The following ZNF524 variants were observed in gnomAD, a reference collection of about 807,000 sequenced individuals.
ZNF524 encodes the protein zinc finger protein 524.
For synonymous variants in ZNF524, 194 were observed against 166.3 expected, an observed-to-expected ratio of 1.17 and a Z score of -1.28; for missense variants, 388 against 380.1, an observed-to-expected ratio of 1.02 and a Z score of -0.17.
intron 1 of ZNF524, chr19:55,601,132 C>T (rs1266423594): frequency 6.6e-6 from 1 of 152,228 alleles, no homozygotes; most frequent in Non-Finnish European, 1.5e-5. Context: ...GGACTGAGCC[C>T]TCGTAATGTC....
rs771093798 is a variant in ZNF524 at position 55,602,234 on chromosome 19, C to A, written c.122C>A (p.Ser41Tyr). ...GGCCGTCGTCCTGGGGGAGCCACCTCCTCAAATCGGACACTCAAGGCCTCC... is the reference window on the plus strand; with the variant it reads ...GGCCGTCGTCCTGGGGGAGCCACCTACTCAAATCGGACACTCAAGGCCTCC... ...RRGRRPGGAT[S>Y]SNRTLKASLP... Residue 41 changes from serine (S) to tyrosine (Y), a missense_variant, in exon 2 of 2, where the codon TCC becomes TAC. By Grantham distance (144) the Ser-to-Tyr change is moderately radical. Transcript: ENST00000301073. The A allele has an allele frequency of 6.2e-7, 1 of 1,612,260 alleles. No homozygotes were observed. Among genetic ancestry groups the A allele is most frequent in the South Asian group, 1.1e-5 (1 of 90,882 alleles).
Position 55,602,871 on chromosome 19 carries a change from G to A in ZNF524, c.759G>A (p.Glu253=), listed in dbSNP as rs310459. ...TCCCGGCCACAGCAGGGGCCGAGGA[G>A]GAGGAGGAGACAGAGGGGAAAGGGG... ...EGIPATAGAE[E]EEETEGKGEP... The change falls in exon 2 of 2, where the codon GAG becomes GAA. Residue 253 remains glutamate, a synonymous_variant. Transcript: ENST00000301073. 1,461,596 of 1,597,768 alleles carry A rather than the reference G, an allele frequency of 0.91. 671,070 individuals are homozygous for A. The highest frequency in any genetic ancestry group is 0.93 in the Non-Finnish European group (1,097,144 of 1,173,520).
chr19:55,602,055 C>G lies in ZNF524; in HGVS notation c.-38-20C>G, dbSNP rs968105835. On this transcript the variant is annotated intron_variant, in intron 1 of 1. Transcript: ENST00000301073. The stretch of plus-strand genomic sequence containing the variant: ...GCTCTAGACCCTGTGAGCACTGACT[C>G]TGCCCCTCTCTCCTCTTAGCTGGCT... The G allele has an allele frequency of 2.0e-6, 3 of 1,481,266 alleles. No individual in the cohort carries two copies. In the African/African-American group the frequency reaches 4.2e-5, roughly 21 times the overall value. 91.8% of individuals were successfully genotyped at this position (1,481,266 alleles called of 1,614,324 possible). A position where few individuals can be genotyped will look rare whatever the true frequency, so the allele number is the denominator to read the frequency against.
In ZNF524 at chr19:55,602,144, C is replaced by A; in HGVS notation, c.32C>A (p.Ser11Ter). 2 of 1,560,296 alleles carry A rather than the reference C, an allele frequency of 1.3e-6. No individual in the cohort carries two copies. Among genetic ancestry groups the A allele is most frequent in the African/African-American group, 2.7e-5 (2 of 73,432 alleles). ...ACCCCCAGCCCAGACCCGTTGCCTT[C>A]GCCTTTGCCCGGGGAGGAAGAGAAA... MDTPSPDPLP[S>*]PLPGEEEKPL... Residue 11 changes from serine (S) to a stop codon, truncating the protein, a stop_gained, in exon 2 of 2, where the codon TCG becomes TAG. Coordinates refer to ENST00000301073, the MANE Select transcript of ZNF524 (RefSeq NM_153219.4). LOFTEE classifies it low-confidence loss of function (END_TRUNC).
Position 55,602,664 on chromosome 19 carries a change from G to C in ZNF524, c.552G>C (p.Glu184Asp). The C allele has an allele frequency of 1.3e-6, 2 of 1,595,488 alleles. No individual in the cohort carries two copies. Among genetic ancestry groups the C allele is most frequent in the South Asian group, 1.1e-5 (1 of 90,412 alleles). Reference protein sequence around the residue: ...LCPRRFREAGELAHHHRVHSG... With the variant: ...LCPRRFREAGDLAHHHRVHSG... Reference sequence around the variant, plus strand: ...CCCGCCGCTTCCGCGAGGCGGGCGAGCTGGCGCACCACCACCGCGTGCACT... The same window carrying C: ...CCCGCCGCTTCCGCGAGGCGGGCGACCTGGCGCACCACCACCGCGTGCACT... The change falls in exon 2 of 2, where the codon GAG (glutamate) becomes GAC (aspartate). Residue 184 changes from glutamate to aspartate, a missense_variant. Physicochemically the swap from Glu to Asp is conservative, Grantham distance 45 (BLOSUM62 2). Coordinates refer to ENST00000301073, the MANE Select transcript of ZNF524 (RefSeq NM_153219.4).
In ZNF524 at chr19:55,602,927, C is replaced by T. The variant is rs2123574504; in HGVS notation, c.*20C>T. 6.6e-7 allele frequency: 1 copy of T among 1,526,378 alleles called. No homozygotes were observed. Among genetic ancestry groups the T allele is most frequent in the East Asian group, 2.4e-5 (1 of 41,826 alleles). 94.6% of individuals were successfully genotyped at this position (1,526,378 alleles called of 1,614,324 possible). A position where few individuals can be genotyped will look rare whatever the true frequency, so the allele number is the denominator to read the frequency against. On this transcript the variant is annotated 3_prime_UTR_variant, in exon 2 of 2. Transcript: ENST00000301073. ...GCCTGACCCACACCCCCGGCCATCGCTCCCTGGGCCAGGTTTAGAGCAGGG... is the reference window on the plus strand; with the variant it reads ...GCCTGACCCACACCCCCGGCCATCGTTCCCTGGGCCAGGTTTAGAGCAGGG...
At position 55,602,411 on chromosome 19, in the gene ZNF524, C is replaced by G. The variant is rs773538798; in HGVS notation, c.299C>G (p.Ser100Ter). 1 of 1,587,604 alleles carries G rather than the reference C, an allele frequency of 6.3e-7. No individual in the cohort carries two copies. The highest frequency in any genetic ancestry group is 8.6e-7 in the Non-Finnish European group (1 of 1,169,090). The change falls in exon 2 of 2, where the codon TCA (serine) becomes TGA (stop). Residue 100 changes from serine (S) to a stop codon, truncating the protein, a stop_gained. Coordinates refer to ENST00000301073, the MANE Select transcript of ZNF524 (RefSeq NM_153219.4). LOFTEE classifies it low-confidence loss of function (END_TRUNC). Reference sequence around the variant, plus strand: ...GTGCCCTATACGGTCTCTGAAGGTTCAGCGGCTGGGCCTGAGGGCTCTGGC... The same window carrying G: ...GTGCCCTATACGGTCTCTGAAGGTTGAGCGGCTGGGCCTGAGGGCTCTGGC... The part of the protein sequence containing the change: ...QGVPYTVSEG[S>*]AAGPEGSGPR...
In ZNF524 at chr19:55,602,242, C is replaced by T. The variant is rs745961341; in HGVS notation, c.130C>T (p.Arg44Trp). The change falls in exon 2 of 2, where the codon CGG becomes TGG. Residue 44 changes from arginine (R) to tryptophan (W), a missense_variant. By Grantham distance (101) the Arg-to-Trp change is moderately radical. Transcript: ENST00000301073. ...TCCTGGGGGAGCCACCTCCTCAAAT[C>T]GGACACTCAAGGCCTCCCTCCCTCG... ...RRPGGATSSN[R>W]TLKASLPRKR... The T allele has an allele frequency of 6.2e-7, 1 of 1,611,474 alleles. No homozygotes were observed. The highest frequency in any genetic ancestry group is 1.3e-5 in the African/African-American group (1 of 74,902).
In ZNF524 at chr19:55,602,288, AG is replaced by A. The variant is rs1277822247; in HGVS notation, c.177del (p.Lys59AsnfsTer14). ...CCTCGCAAGCGGGGCCGCCCCCCCAAGTCAGGGCAGGAGCCCCCACTGGTGC... is the reference window on the plus strand; with the variant it reads ...CCTCGCAAGCGGGGCCGCCCCCCCAATCAGGGCAGGAGCCCCCACTGGTGC... ...SLPRKRGRPP[K>X]SGQEPPLVQV... On this transcript the variant is annotated frameshift_variant, in exon 2 of 2. Coordinates refer to ENST00000301073, the MANE Select transcript of ZNF524 (RefSeq NM_153219.4). LOFTEE classifies it low-confidence loss of function (END_TRUNC). The A allele has an allele frequency of 6.3e-7, 1 of 1,586,992 alleles. No homozygotes were observed. The highest frequency in any genetic ancestry group is 1.3e-5 in the African/African-American group (1 of 74,226).
rs778949477 is a variant in ZNF524, at chr19:55,602,630, C to A, written c.518C>A (p.Pro173Gln). The A allele has an allele frequency of 6.3e-7, 1 of 1,581,088 alleles. No homozygotes were observed. Among genetic ancestry groups the A allele is most frequent in the South Asian group, 1.1e-5 (1 of 88,950 alleles). Residue 173 changes from proline to glutamine, a missense_variant, in exon 2 of 2, where the codon CCG (proline) becomes CAG (glutamine). Physicochemically the swap from Pro to Gln is moderately conservative, Grantham distance 76 (BLOSUM62 -1). Transcript: ENST00000301073. ...IHAGLRPFRCPLCPRRFREAG... is the reference protein window; with the variant it reads ...IHAGLRPFRCQLCPRRFREAG... The stretch of plus-strand genomic sequence containing the variant: ...GCCGGCCTGCGGCCCTTCCGCTGCC[C>A]GCTGTGCCCCCGCCGCTTCCGCGAG...
intron 1 of ZNF524, chr19:55,601,134 C>T (rs772886223): frequency 6.6e-6 from 1 of 152,232 alleles, no homozygotes; most frequent in African/African-American, 2.4e-5. Flanking sequence ...ACTGAGCCCT[C>T]GTAATGTCCC....
chr19:55,601,250 C>A (rs1456695443), intron 1 of ZNF524: 1 of 152,236 alleles, frequency 6.6e-6, no homozygotes, highest in African/African-American at 2.4e-5. Context: ...ACTTAGGCAA[C>A]TGACTTGGCT....
Position 55,603,015 on chromosome 19 carries a change from C to A in ZNF524, c.*108C>A, listed in dbSNP as rs1980783496. 2.2e-6 allele frequency: 3 copies of A among 1,343,726 alleles called. No individual in the cohort carries two copies. The highest frequency in any genetic ancestry group is 2.5e-5 in the East Asian group (1 of 39,280). 83.2% of individuals were successfully genotyped at this position (1,343,726 alleles called of 1,614,324 possible). Reference sequence around the variant, plus strand: ...ACACCCTTGTTTCCGGTGGTCTTCCCGTTGTGGGAGCAGGTGGAGGGTGGA... The same window carrying A: ...ACACCCTTGTTTCCGGTGGTCTTCCAGTTGTGGGAGCAGGTGGAGGGTGGA... On this transcript the variant is annotated 3_prime_UTR_variant, in exon 2 of 2. Transcript: ENST00000301073.
Position 55,602,295 on chromosome 19 carries a change from G to A in ZNF524, c.183G>A (p.Gly61=), listed in dbSNP as rs540425746. 6.3e-7 allele frequency: 1 copy of A among 1,584,482 alleles called. No homozygotes were observed. The highest frequency in any genetic ancestry group is 2.3e-5 in the East Asian group (1 of 43,212). Residue 61 remains glycine (G), a synonymous_variant, in exon 2 of 2, where the codon GGG becomes GGA. Coordinates refer to ENST00000301073, the MANE Select transcript of ZNF524 (RefSeq NM_153219.4). ...AGCGGGGCCGCCCCCCCAAGTCAGG[G>A]CAGGAGCCCCCACTGGTGCAGGTGC... is the stretch of plus-strand genomic sequence containing the variant. ...PRKRGRPPKS[G]QEPPLVQVQG...
At chr19:55,599,689 G>A (rs1442069308), upstream of ZNF524, 8 of 152,442 alleles carry the variant, frequency 5.2e-5, no homozygotes, top group Admixed American at 4.6e-4. Flanking sequence ...TCTTGGGTGA[G>A]GGCAGCGGGA....
In ZNF524 at chr19:55,602,303, C is replaced by T; in HGVS notation, c.191C>T (p.Pro64Leu). The change falls in exon 2 of 2, where the codon CCC becomes CTC. Residue 64 changes from proline (P) to leucine (L), a missense_variant. Pro to Leu is a moderately conservative substitution (Grantham distance 98). Transcript: ENST00000301073. ...RGRPPKSGQE[P>L]PLVQVQGVTA... ...CGCCCCCCCAAGTCAGGGCAGGAGC[C>T]CCCACTGGTGCAGGTGCAGGGGGTG... The T allele has an allele frequency of 2.5e-6, 4 of 1,581,868 alleles. No individual in the cohort carries two copies. The highest frequency in any genetic ancestry group is 2.6e-6 in the Non-Finnish European group (3 of 1,164,300).
chr19:55,602,396 CG>C lies in ZNF524; in HGVS notation c.286del (p.Val96SerfsTer44). 1 of 1,579,292 alleles carries C rather than the reference CG, an allele frequency of 6.3e-7. No homozygotes were observed. The highest frequency in any genetic ancestry group is 8.6e-7 in the Non-Finnish European group (1 of 1,164,098). ...LLIDDQGVPY[T>X]VSEGSAAGPE... ...ATCGATGATCAGGGTGTGCCCTATA[CG>C]GTCTCTGAAGGTTCAGCGGCTGGGC... is the stretch of plus-strand genomic sequence containing the variant. On this transcript the variant is annotated frameshift_variant, in exon 2 of 2. Transcript: ENST00000301073. LOFTEE classifies it low-confidence loss of function (END_TRUNC).
rs1980764083 is a variant in ZNF524, at chr19:55,602,785, A to G, written c.673A>G (p.Met225Val). 10 of 1,611,122 alleles carry G rather than the reference A, an allele frequency of 6.2e-6. No homozygotes were observed. Among genetic ancestry groups the G allele is most frequent in the Middle Eastern group, 1.7e-4 (1 of 6,058 alleles). The stretch of plus-strand genomic sequence containing the variant: ...TGCGAAGCGCAAGCACCCGGAGGCC[A>G]TGGGGGTACCCCTGTGTGCACCAGA... ...RHAKRKHPEA[M>V]GVPLCAPDPG... Residue 225 changes from methionine to valine, a missense_variant, in exon 2 of 2, where the codon ATG (methionine) becomes GTG (valine). Physicochemically the swap from Met to Val is conservative, Grantham distance 21 (BLOSUM62 1). Transcript: ENST00000301073.
Position 55,602,585 on chromosome 19 carries a change from G to T in ZNF524, c.473G>T (p.Arg158Leu). The T allele has an allele frequency of 6.3e-7, 1 of 1,584,676 alleles. No individual in the cohort carries two copies. ...ACCTTCAAGCGCTCCAGCCACCTGC[G>T]GCGGCACTGCAACATCCATGCCGGC... Reference protein sequence around the residue: ...GKTFKRSSHLRRHCNIHAGLR... With the variant: ...GKTFKRSSHLLRHCNIHAGLR... Residue 158 changes from arginine (R) to leucine (L), a missense_variant, in exon 2 of 2, where the codon CGG becomes CTG. Transcript: ENST00000301073.
Sources: allele counts gnomAD v4.1 joint callset, GRCh38; gene constraint gnomAD v4.1.1; transcripts MANE v1.5; gene names NCBI Gene and HGNC (gene_info 2026-07-23, HGNC 2026-07-21).